ACTR2: variants seen among roughly 807,000 people sequenced by gnomAD.
ACTR2 encodes the protein actin related protein 2, also known as actin-related protein 2.
A neutral mutation model predicts 50.2 loss-of-function variants in ACTR2; 5 were observed. The ratio of observed to expected loss-of-function variants is 0.10; its 90% CI spans 0.05 to 0.21. The LOEUF is 0.21. Ranked by LOEUF, ACTR2 falls within the 10% of genes least tolerant of loss-of-function variation. The pLI is 1.00. For synonymous variants in ACTR2, 140 were observed against 162.9 expected (o/e 0.86, Z 1.07); for missense variants, 180 against 480.6 (o/e 0.37, Z 5.85).
intron 6 of ACTR2, among the ~76,000 whole-genome samples, chr2:65,257,088 C>T (rs1359974562): frequency 1.3e-5 from 2 of 151,924 alleles, no homozygotes; most frequent in Non-Finnish European, 2.9e-5. Context: ...AATGCTATAC[C>T]TCCCTCCCCT....
rs750890912 is a variant in ACTR2 at position 65,227,862 on chromosome 2, CG to C, written c.-46del. On this transcript the variant is annotated 5_prime_UTR_variant, in exon 1 of 9. Transcript: ENST00000260641. ...GGAAGAAGAGAAAACGGCCGGGCGG[CG>C]GTGGCTGTAGGTTGTGCGGCTGCAG... The C allele has an allele frequency of 8.7e-6, 13 of 1,488,800 alleles. No individual in the cohort carries two copies. In the African/African-American group the frequency reaches 1.9e-4, roughly 22 times the overall value. 92.2% of individuals were successfully genotyped at this position (1,488,800 alleles called of 1,614,324 possible).
intron 1 of ACTR2, among the ~76,000 whole-genome samples, chr2:65,235,192 A>T (rs1671716869): frequency 6.6e-6 from 1 of 150,748 alleles, no homozygotes; most frequent in African/African-American, 2.4e-5. Context: ...GTGTGTGTGC[A>T]CGTGGTGTGT....
intron 7 of ACTR2, among the ~76,000 whole-genome samples, chr2:65,262,942 G>A (rs1032653390): frequency 6.6e-6 from 1 of 151,386 alleles, no homozygotes. Context: ...CTCCAGCCTG[G>A]GTGACAGAGT....
At chr2:65,244,597 C>T (rs1428019571) in intron 2 of ACTR2, among the ~76,000 whole-genome samples, 3 of 152,150 alleles carry the variant, frequency 2.0e-5, no homozygotes, top group Non-Finnish European at 2.9e-5. Flanking sequence ...TCAACATGTG[C>T]ATGTTATTAA....
At chr2:65,247,449 G>C (rs971796093) in intron 3 of ACTR2, among the ~76,000 whole-genome samples, 4 of 152,206 alleles carry the variant, frequency 2.6e-5, no homozygotes, top group African/African-American at 9.6e-5. Context: ...TTAGCCGGGC[G>C]TGGTGGCGGG....
chr2:65,228,512 T>C (rs1240728879), intron 1 of ACTR2: 2 of 152,128 alleles, frequency 1.3e-5, no homozygotes, highest in Non-Finnish European at 1.5e-5. Context: ...TTTATTAGTT[T>C]TTTCGAGGGA....
intron 1 of ACTR2, among the ~76,000 whole-genome samples, chr2:65,238,503 CA>C (rs545085933): frequency 8.4e-4 from 127 of 150,582 alleles, no homozygotes; most frequent in Admixed American, 2.2e-3. Context: ...ACTAAAAATA[CA>C]AAAAATTAGC....
intron 3 of ACTR2, among the ~76,000 whole-genome samples, chr2:65,249,479 T>G (rs1215863673): frequency 6.6e-6 from 1 of 152,234 alleles, no homozygotes; most frequent in Non-Finnish European, 1.5e-5. Flanking sequence ...ATATATATGA[T>G]CATTCTTCCA....
At chr2:65,241,855 T>A (rs1277955446) in intron 2 of ACTR2, 1 of 526,698 alleles carries the variant, frequency 1.9e-6, no homozygotes, top group Admixed American at 3.5e-5. Flanking sequence ...TTAATTTGCA[T>A]TCAGGAATAA....
In ACTR2 at chr2:65,254,999, T is replaced by C. The variant is rs367631897; in HGVS notation, c.586-546T>C. On this transcript the variant is annotated intron_variant, in intron 5 of 8. Transcript: ENST00000260641. Reference sequence around the variant, plus strand: ...TTCTCTCAGTGGGTTTTTAAAAAAATAGTAGTATTTTCTAGCATTTAAGAA... The same window carrying C: ...TTCTCTCAGTGGGTTTTTAAAAAAACAGTAGTATTTTCTAGCATTTAAGAA... 1.2e-4 allele frequency among the ~76,000 whole-genome samples: 18 copies of C among 152,206 alleles called. No individual in the cohort carries two copies. The East Asian group carries it at 1.3e-3, about 11-fold the overall frequency.
intron 3 of ACTR2, among the ~76,000 whole-genome samples, chr2:65,248,402 A>G (rs1462165174): frequency 6.6e-6 from 1 of 152,144 alleles, no homozygotes; most frequent in Non-Finnish European, 1.5e-5. Flanking sequence ...TCAGTCTCAA[A>G]AAGAAAAAAA....
At chr2:65,260,367 G>A (rs1012459090) in intron 6 of ACTR2, among the ~76,000 whole-genome samples, 41 of 152,154 alleles carry the variant, frequency 2.7e-4, no homozygotes, top group Admixed American at 2.6e-4. Context: ...ATATGCTGGC[G>A]TGGTGGCACA....
intron 7 of ACTR2, among the ~76,000 whole-genome samples, chr2:65,262,514 G>C (rs1672287945): frequency 6.6e-6 from 1 of 150,774 alleles, no homozygotes; most frequent in Non-Finnish European, 1.5e-5. Context: ...AGTGCTGAGA[G>C]AAACTTCTTA....
At chr2:65,264,238 A>G (rs1411917267) in intron 7 of ACTR2, among the ~76,000 whole-genome samples, 3 of 152,226 alleles carry the variant, frequency 2.0e-5, no homozygotes, top group African/African-American at 4.8e-5. Context: ...TACTTATCAC[A>G]TGAATCTGTA....
At chr2:65,261,220 T>G (rs749749149) in intron 6 of ACTR2, 27 bp from the exon 7 acceptor site, 1 of 1,613,394 alleles carries the variant, frequency 6.2e-7, no homozygotes, top group South Asian at 1.1e-5. Flanking sequence ...TTTTGCTGAT[T>G]AGTACCTGAT....
At chr2:65,251,951 A>G (rs1672060927) in intron 4 of ACTR2, among the ~76,000 whole-genome samples, 1 of 151,762 alleles carries the variant, frequency 6.6e-6, no homozygotes, top group African/African-American at 2.4e-5. Flanking sequence ...ATGGTCTTAT[A>G]AATTCAACAG....
rs568593517 is a variant in ACTR2, at chr2:65,235,193, C to T, written c.49-4659C>T. Reference sequence around the variant, plus strand: ...AGGTGTGTGTGTGTGTGTGTGTGCACGTGGTGTGTGTGTTATGTTTTAGTT... The same window carrying T: ...AGGTGTGTGTGTGTGTGTGTGTGCATGTGGTGTGTGTGTTATGTTTTAGTT... On this transcript the variant is annotated intron_variant, in intron 1 of 8. Coordinates refer to ENST00000260641, the MANE Select transcript of ACTR2 (RefSeq NM_005722.4). 1.7e-4 allele frequency among the ~76,000 whole-genome samples: 25 copies of T among 150,678 alleles called. No individual in the cohort carries two copies. The South Asian group carries it at 2.1e-3, about 13-fold the overall frequency.
intron 2 of ACTR2, among the ~76,000 whole-genome samples, chr2:65,245,657 T>G (rs1671922556): frequency 6.6e-6 from 1 of 152,222 alleles, no homozygotes; most frequent in African/African-American, 2.4e-5. Context: ...GAAATTAGTA[T>G]TATTTAACCT....
intron 2 of ACTR2, among the ~76,000 whole-genome samples, chr2:65,244,722 C>T (rs565551576): frequency 4.0e-5 from 6 of 151,778 alleles, no homozygotes; most frequent in South Asian, 4.2e-4. Context: ...CTGAGGTGGG[C>T]GGATCCCTTG....
Sources: allele counts gnomAD v4.1 joint callset (sites outside exome capture counted in the v4.1 genomes callset), GRCh38; gene constraint gnomAD v4.1.1; transcripts MANE v1.5; gene names NCBI Gene and HGNC (gene_info 2026-07-23, HGNC 2026-07-21).